The following PCDHGA8 variants were observed in gnomAD, a reference collection of about 807,000 sequenced individuals.
PCDHGA8 encodes protocadherin gamma-A8.
Under a neutral mutation model 59.2 loss-of-function variants are expected in PCDHGA8, and 45 were observed. The observed-to-expected ratio is 0.76, with a 90% CI of 0.60 to 0.98. The LOEUF is 0.98. Among genes scored for constraint, PCDHGA8 ranks in the 50% least tolerant of loss-of-function variants. The probability of loss-of-function intolerance (pLI) is 0.00; values close to 1 mark genes in which losing one functional copy is unlikely to be tolerated. For missense variants in PCDHGA8, 1,257 were observed against 1,196.2 expected, an observed-to-expected ratio of 1.05 and a Z score of -0.75; for synonymous variants, 531 against 519.0, an observed-to-expected ratio of 1.02 and a Z score of -0.32.
rs1224943883 is a variant in PCDHGA8 at position 141,493,516 on chromosome 5, G to A, written c.2425-1291G>A. Among the ~76,000 whole-genome samples, 1 of 152,122 alleles carries A rather than the reference G, an allele frequency of 6.6e-6. No individual in the cohort carries two copies. The highest frequency in any genetic ancestry group is 1.5e-5 in the Non-Finnish European group (1 of 68,036). On this transcript the variant is annotated intron_variant, in intron 1 of 3. Coordinates refer to ENST00000398604, the MANE Select transcript of PCDHGA8 (RefSeq NM_032088.2). The surrounding 1 kb of genome is among the most constrained non-coding windows in gnomAD (Gnocchi z 4.3). ...GGCTCCTCATTTCTGAGCAGTCCCC[G>A]CAGCGCAAACTTGGCCAGTTATCCT...
intron 1 of PCDHGA8, chr5:141,484,931 A>T: frequency 4.0e-6 from 2 of 498,120 alleles, no homozygotes; most frequent in South Asian, 5.3e-5. Context: ...TGCTGTTGGG[A>T]CGTTCTCTGC....
At chr5:141,421,147 G>A in intron 1 of PCDHGA8, 1 of 1,019,036 alleles carries the variant, frequency 9.8e-7, no homozygotes, top group South Asian at 1.7e-5. Context: ...GGATGTAGTC[G>A]GCCTAGGACT....
At position 141,487,339 on chromosome 5, in the gene PCDHGA8, A is replaced by T; in HGVS notation, c.2425-7468A>T. On this transcript the variant is annotated intron_variant, in intron 1 of 3. Coordinates refer to ENST00000398604, the MANE Select transcript of PCDHGA8 (RefSeq NM_032088.2). The surrounding 1 kb of genome is among the most constrained non-coding windows in gnomAD (Gnocchi z 5.0). ...AGTGTCTTCGTGGGGCAGCCTGTGG[A>T]GTCACATGCTTTCCTGCTGGCACCT... The T allele has an allele frequency of 1.9e-6, 3 of 1,614,096 alleles. No individual in the cohort carries two copies. Among genetic ancestry groups the T allele is most frequent in the Non-Finnish European group, 2.5e-6 (3 of 1,180,000 alleles).
chr5:141,491,247 G>A lies in PCDHGA8; in HGVS notation c.2425-3560G>A, dbSNP rs1356752106. ...CAGTGCTGCTGGTTCTGGAGGATGA[G>A]GACCCTGAGGAAATGCCCAAATCCA... On this transcript the variant is annotated intron_variant, in intron 1 of 3. Coordinates refer to ENST00000398604, the MANE Select transcript of PCDHGA8 (RefSeq NM_032088.2). The surrounding 1 kb of genome is among the most constrained non-coding windows in gnomAD (Gnocchi z 6.9). The A allele has an allele frequency of 3.2e-5, 51 of 1,614,192 alleles. No individual in the cohort carries two copies. The highest frequency in any genetic ancestry group is 4.3e-5 in the Non-Finnish European group (51 of 1,180,018).
Position 141,415,396 on chromosome 5 carries a change from G to A in PCDHGA8, c.2424+20159G>A, listed in dbSNP as rs11575962. 4,865 of 1,614,204 alleles carry A rather than the reference G, an allele frequency of 3.0e-3. 27 individuals are homozygous for A. The highest frequency in any genetic ancestry group is 0.011 in the Admixed American group (656 of 60,024). ...AGGAGGCGGCTTGACAGGTGTGTCC[G>A]GCTCGCACTTTGTGGGCGTGGACGG... On this transcript the variant is annotated intron_variant, in intron 1 of 3. Coordinates refer to ENST00000398604, the MANE Select transcript of PCDHGA8 (RefSeq NM_032088.2).
At chr5:141,446,669 C>T (rs554578186) in intron 1 of PCDHGA8, among the ~76,000 whole-genome samples, 2 of 152,182 alleles carry the variant, frequency 1.3e-5, no homozygotes, top group Admixed American at 1.3e-4. Flanking sequence ...TACAAGACAG[C>T]ATTTCACCAT....
At chr5:141,398,700 C>T in intron 1 of PCDHGA8, 1 of 1,613,844 alleles carries the variant, frequency 6.2e-7, no homozygotes, top group Non-Finnish European at 8.5e-7. Context: ...GTAGTAAATA[C>T]CCGGAACTGG....
At chr5:141,470,078 G>C (rs542998375) in intron 1 of PCDHGA8, among the ~76,000 whole-genome samples, 21 of 152,182 alleles carry the variant, frequency 1.4e-4, no homozygotes, top group Non-Finnish European at 2.9e-4. Context: ...GTAGTGATCT[G>C]AGATCATGCC....
At chr5:141,509,327 G>A (rs2099876237) in intron 3 of PCDHGA8, among the ~76,000 whole-genome samples, 1 of 152,188 alleles carries the variant, frequency 6.6e-6, no homozygotes, top group African/African-American at 2.4e-5. Flanking sequence ...AAGCTCTACT[G>A]CCAGCTGGGC....
Position 141,393,458 on chromosome 5 carries a change from G to T in PCDHGA8, c.645G>T (p.Ser215=), listed in dbSNP as rs181214352. ...CTCACCACCTGGTCCTCACGGCCTCGGATGGCGGCAAGCCGCCTCGCTCTA... is the reference window on the plus strand; with the variant it reads ...CTCACCACCTGGTCCTCACGGCCTCTGATGGCGGCAAGCCGCCTCGCTCTA... ...EAAHHLVLTA[S]DGGKPPRSST... The change falls in exon 1 of 4, where the codon TCG becomes TCT. Residue 215 remains serine (S), a synonymous_variant. Coordinates refer to ENST00000398604, the MANE Select transcript of PCDHGA8 (RefSeq NM_032088.2). 4 of 1,613,902 alleles carry T rather than the reference G, an allele frequency of 2.5e-6. No homozygotes were observed. Among genetic ancestry groups the T allele is most frequent in the Non-Finnish European group, 3.4e-6 (4 of 1,179,908 alleles).
intron 2 of PCDHGA8, among the ~76,000 whole-genome samples, chr5:141,495,607 A>G (rs1484333463): frequency 1.3e-5 from 2 of 151,832 alleles, no homozygotes; most frequent in Admixed American, 1.3e-4. Flanking sequence ...TTCCGTCTTG[A>G]TTGCTGCACC....
At chr5:141,427,914 A>C in intron 1 of PCDHGA8, 1 of 1,576,800 alleles carries the variant, frequency 6.3e-7, no homozygotes, top group Non-Finnish European at 8.7e-7. Flanking sequence ...CAGCGCCAAC[A>C]TGAGCCGGCG....
rs1477534800 is a variant in PCDHGA8, at chr5:141,404,988, A to G, written c.2424+9751A>G. The G allele has an allele frequency of 5.0e-6, 8 of 1,613,868 alleles. 1 individual carries two copies. The South Asian group carries it at 7.7e-5, about 16-fold the overall frequency. On this transcript the variant is annotated intron_variant, in intron 1 of 3. Coordinates refer to ENST00000398604, the MANE Select transcript of PCDHGA8 (RefSeq NM_032088.2). ...ATCCTGGCTGACCTGGGCAGTCTTCAGATCCCTGCAGACCTGGAGGCCTCA... is the reference window on the plus strand; with the variant it reads ...ATCCTGGCTGACCTGGGCAGTCTTCGGATCCCTGCAGACCTGGAGGCCTCA...
Position 141,394,006 on chromosome 5 carries a change from TAGGTA to T in PCDHGA8, c.1195_1199del (p.Gly399LeufsTer3). 1.9e-6 allele frequency: 3 copies of T among 1,613,358 alleles called. No individual in the cohort carries two copies. The highest frequency in any genetic ancestry group is 3.3e-5 in the Admixed American group (2 of 59,940). On this transcript the variant is annotated frameshift_variant, in exon 1 of 4. Coordinates refer to ENST00000398604, the MANE Select transcript of PCDHGA8 (RefSeq NM_032088.2). LOFTEE classifies it high-confidence loss of function. ...TTACCTTTTAAATTAGAAAAGTCAA[TAGGTA>T]ATTATTATAGATTAGTGACAAGGAA...
At chr5:141,399,836 T>C (rs2093900703) in intron 1 of PCDHGA8, 2 of 1,613,080 alleles carry the variant, frequency 1.2e-6, no homozygotes, top group East Asian at 2.2e-5. Context: ...GGCTCTGCGC[T>C]CTTCGATATG....
At chr5:141,507,106 A>T (rs1205648425) in intron 3 of PCDHGA8, 1 of 152,118 alleles carries the variant, frequency 6.6e-6, no homozygotes, top group African/African-American at 2.4e-5. Context: ...TACTATAGGG[A>T]CCATGGCTGC....
intron 1 of PCDHGA8, chr5:141,421,308 C>T: frequency 6.2e-7 from 1 of 1,613,678 alleles, no homozygotes; most frequent in Non-Finnish European, 8.5e-7. Flanking sequence ...TGCGGGGGTT[C>T]CGGGCCAGGC....
At chr5:141,410,715 G>C (rs1237496496) in intron 1 of PCDHGA8, 1 of 1,422,664 alleles carries the variant, frequency 7.0e-7, no homozygotes, top group Non-Finnish European at 9.4e-7. Context: ...AGAATCATAT[G>C]TTTAAAATCC....
chr5:141,487,181 C>T lies in PCDHGA8; in HGVS notation c.2425-7626C>T. 3 of 1,612,732 alleles carry T rather than the reference C, an allele frequency of 1.9e-6. No individual in the cohort carries two copies. The highest frequency in any genetic ancestry group is 1.1e-5 in the South Asian group (1 of 91,060). ...CTTAGTGTCCTTAGAGGAAGACACT[C>T]ATCCAGTTGTCCCAGATCTTCGAGA... On this transcript the variant is annotated intron_variant, in intron 1 of 3. Transcript: ENST00000398604. This position sits in a 1 kb window ranked among gnomAD's most constrained non-coding sequence, Gnocchi z 5.0.
Sources: allele counts gnomAD v4.1 joint callset (sites outside exome capture counted in the v4.1 genomes callset), GRCh38; gene constraint gnomAD v4.1.1; non-coding constraint Gnocchi (gnomAD v3.1); transcripts MANE v1.5; gene names NCBI Gene and HGNC (gene_info 2026-07-23, HGNC 2026-07-21).